The following DHDH variants were observed in gnomAD, a reference collection of about 807,000 sequenced individuals.
The protein encoded by DHDH is dihydrodiol dehydrogenase, also known as trans-1,2-dihydrobenzene-1,2-diol dehydrogenase.
In DHDH, 29 loss-of-function variants were observed where a neutral mutation model predicts 33.2. The observed-to-expected ratio is 0.87, with a 90% CI of 0.65 to 1.19. The LOEUF (loss-of-function observed/expected upper bound fraction) is 1.19, where lower values mean the gene tolerates loss of function less well. Among genes scored for constraint, DHDH ranks in the 50% most tolerant of loss-of-function variants. The probability of loss-of-function intolerance (pLI) is 0.00; values close to 1 mark genes in which losing one functional copy is unlikely to be tolerated. For missense variants in DHDH, 431 were observed against 455.0 expected (o/e 0.95, Z 0.48); for synonymous variants, 201 against 187.9 (o/e 1.07, Z -0.57).
At chr19:48,941,496 G>A (rs1025634363) in intron 4 of DHDH, among the ~76,000 whole-genome samples, 44 of 152,008 alleles carry the variant, frequency 2.9e-4, no homozygotes, top group African/African-American at 9.6e-4. Context: ...ATTCTCCTCC[G>A]TAAGACCCCC....
In DHDH at chr19:48,936,165, G is replaced by C. The variant is rs753830206; in HGVS notation, c.336G>C (p.Glu112Asp). The C allele has an allele frequency of 5.0e-6, 8 of 1,603,948 alleles. 1 individual carries two copies. Among genetic ancestry groups the C allele is most frequent in the Middle Eastern group, 3.3e-4 (2 of 6,062 alleles). ...CGGAAGTTCGCGAGATGGTCGCGGA[G>C]GCCCGATCCCGAGCCCTCTTCCTTA... is the stretch of plus-strand genomic sequence containing the variant. ...NAAEVREMVA[E>D]ARSRALFLME... The change falls in exon 3 of 7, where the codon GAG becomes GAC. Residue 112 changes from glutamate to aspartate, a missense_variant. Glu to Asp is a conservative substitution (Grantham distance 45). Coordinates refer to ENST00000221403, the MANE Select transcript of DHDH (RefSeq NM_014475.4).
At chr19:48,942,349 GC>G (rs1199332067) in intron 4 of DHDH, 90 bp from the exon 5 acceptor site, 7 of 1,345,772 alleles carry the variant, frequency 5.2e-6, no homozygotes, top group Non-Finnish European at 4.9e-6. Context: ...GAAGTCTCTT[GC>G]CCAAGGTTCC....
Position 48,936,070 on chromosome 19 carries a change from G to T in DHDH, c.241G>T (p.Ala81Ser), listed in dbSNP as rs2037769133. The T allele has an allele frequency of 1.2e-6, 2 of 1,609,730 alleles. No homozygotes were observed. Among genetic ancestry groups the T allele is most frequent in the African/African-American group, 2.7e-5 (2 of 74,886 alleles). ...TGGCACCCAGCACCCCCAGCACAAG[G>T]CGGCGGTGATGCTGTGCTTGGCGGC... is the stretch of plus-strand genomic sequence containing the variant. ...YIGTQHPQHK[A>S]AVMLCLAAGK... Residue 81 changes from alanine (A) to serine (S), a missense_variant, in exon 3 of 7, where the codon GCG (alanine) becomes TCG (serine). Physicochemically the swap from Ala to Ser is moderately conservative, Grantham distance 99 (BLOSUM62 1). Coordinates refer to ENST00000221403, the MANE Select transcript of DHDH (RefSeq NM_014475.4).
At chr19:48,944,626 A>C (rs2037915298) in intron 6 of DHDH, 119 bp downstream of exon 6, 2 of 1,433,212 alleles carry the variant, frequency 1.4e-6, no homozygotes, top group African/African-American at 1.4e-5. Flanking sequence ...CAGTGAGCCG[A>C]GATTGCACCA....
chr19:48,935,822 A>G (rs1006445222), intron 2 of DHDH, among the ~76,000 whole-genome samples: 2 of 152,150 alleles, frequency 1.3e-5, no homozygotes, highest in Non-Finnish European at 2.9e-5. Flanking sequence ...CCTCCAAAAA[A>G]AAAATTAATT....
At position 48,935,981 on chromosome 19, in the gene DHDH, G is replaced by A. The variant is rs1243656500; in HGVS notation, c.203-51G>A. ...GGCCTCGAAGTTGTGGGCGGAGCTCGGCTGTCTGGGTGGGCGGGGCTGCTG... is the reference window on the plus strand; with the variant it reads ...GGCCTCGAAGTTGTGGGCGGAGCTCAGCTGTCTGGGTGGGCGGGGCTGCTG... On this transcript the variant is annotated intron_variant, in intron 2 of 6. Coordinates refer to ENST00000221403, the MANE Select transcript of DHDH (RefSeq NM_014475.4). 1.7e-5 allele frequency: 26 copies of A among 1,554,154 alleles called. 2 individuals carry two copies. The South Asian group carries it at 2.7e-4, about 16-fold the overall frequency.
At chr19:48,936,008 C>T in intron 2 of DHDH, 24 bp from the exon 3 acceptor site, 1 of 1,578,006 alleles carries the variant, frequency 6.3e-7, no homozygotes, top group Non-Finnish European at 8.6e-7. Flanking sequence ...GGGCTGCTGA[C>T]CTCTTGACCT....
At chr19:48,941,129 T>A (rs1246837065) in intron 4 of DHDH, among the ~76,000 whole-genome samples, 2 of 152,194 alleles carry the variant, frequency 1.3e-5, no homozygotes, top group Non-Finnish European at 2.9e-5. Context: ...TGCAGTCAGT[T>A]GGCTGTTCAG....
intron 4 of DHDH, among the ~76,000 whole-genome samples, chr19:48,939,922 T>C (rs1271427997): frequency 6.6e-6 from 1 of 152,176 alleles, no homozygotes; most frequent in Non-Finnish European, 1.5e-5. Flanking sequence ...TCTCTGAATC[T>C]TAATTACTTT....
At chr19:48,936,822 C>T (rs1332456822) in intron 3 of DHDH, among the ~76,000 whole-genome samples, 1 of 151,896 alleles carries the variant, frequency 6.6e-6, no homozygotes, top group African/African-American at 2.4e-5. Context: ...AAGGAACCCC[C>T]TACAAACCTG....
At chr19:48,944,220 C>G in intron 5 of DHDH, 137 bp from the exon 6 acceptor site, 1 of 1,167,928 alleles carries the variant, frequency 8.6e-7, no homozygotes, top group Non-Finnish European at 1.2e-6. Flanking sequence ...TCCAAAGCTC[C>G]CCGGGGATGG....
intron 3 of DHDH, among the ~76,000 whole-genome samples, chr19:48,938,392 C>T (rs993338193): frequency 2.6e-5 from 4 of 152,092 alleles, no homozygotes; most frequent in African/African-American, 4.8e-5. Context: ...CCACAGCGCC[C>T]AGCCCCCAGT....
intron 3 of DHDH, among the ~76,000 whole-genome samples, chr19:48,937,298 G>A (rs574298295): frequency 6.6e-6 from 1 of 152,112 alleles, no homozygotes; most frequent in African/African-American, 2.4e-5. Flanking sequence ...CGACTGCTCC[G>A]AGCCCGGGCG....
chr19:48,937,303 C>G lies in DHDH; in HGVS notation c.366+1108C>G, dbSNP rs534543508. Among the ~76,000 whole-genome samples the G allele has an allele frequency of 2.6e-5, 4 of 152,290 alleles. No individual in the cohort carries two copies. The East Asian group carries it at 7.7e-4, about 29-fold the overall frequency. ...ACGCTCCTCTCGACTGCTCCGAGCC[C>G]GGGCGGACCTCGGCCACATCCGTCC... On this transcript the variant is annotated intron_variant, in intron 3 of 6. Coordinates refer to ENST00000221403, the MANE Select transcript of DHDH (RefSeq NM_014475.4).
At chr19:48,939,136 C>T (rs1368279537) in intron 3 of DHDH, among the ~76,000 whole-genome samples, 3 of 151,670 alleles carry the variant, frequency 2.0e-5, no homozygotes, top group East Asian at 1.9e-4. Flanking sequence ...GGCAATGGTC[C>T]AGATGAAAAA....
Position 48,936,193 on chromosome 19 carries a change from G to C in DHDH, c.364G>C (p.Glu122Gln), listed in dbSNP as rs749276344. ...EARSRALFLMEAIWTRFFPAS... is the reference protein window; with the variant it reads ...EARSRALFLMQAIWTRFFPAS... Reference sequence around the variant, plus strand: ...CCGATCCCGAGCCCTCTTCCTTATGGAGGTGAGGGCAGAGGAGCCCTTCCA... The same window carrying C: ...CCGATCCCGAGCCCTCTTCCTTATGCAGGTGAGGGCAGAGGAGCCCTTCCA... The change falls in exon 3 of 7, where the codon GAG becomes CAG. Residue 122 changes from glutamate (E) to glutamine (Q), a missense_variant and splice_region_variant. Coordinates refer to ENST00000221403, the MANE Select transcript of DHDH (RefSeq NM_014475.4). 2.5e-6 allele frequency: 4 copies of C among 1,589,496 alleles called. No homozygotes were observed. In the South Asian group the frequency reaches 3.4e-5, roughly 13 times the overall value.
intron 5 of DHDH, 115 bp downstream of exon 5, chr19:48,942,679 A>T (rs555230421): frequency 6.9e-7 from 1 of 1,457,348 alleles, no homozygotes; most frequent in Non-Finnish European, 9.1e-7. Context: ...ATTGCTAAAG[A>T]GTTCCTCCTT....
chr19:48,934,774 A>G (rs1049043735), intron 1 of DHDH, among the ~76,000 whole-genome samples: 7 of 152,096 alleles, frequency 4.6e-5, no homozygotes, highest in African/African-American at 1.7e-4. Context: ...AGGTTTGGAA[A>G]GGCCTTGATG....
rs775847639 is a variant in DHDH at position 48,942,550 on chromosome 19, A to G, written c.730A>G (p.Lys244Glu). Residue 244 changes from lysine (K) to glutamate (E), a missense_variant, in exon 5 of 7, where the codon AAG (lysine) becomes GAG (glutamate). Physicochemically the swap from Lys to Glu is moderately conservative, Grantham distance 56. Coordinates refer to ENST00000221403, the MANE Select transcript of DHDH (RefSeq NM_014475.4). ...CAACACGGCCTCCGTGAGCGGCACC[A>G]AGGGCATGGTACAGGTGAGGCATGG... The part of the protein sequence containing the change: ...LSNTASVSGT[K>E]GMVQLLNPCW... The G allele has an allele frequency of 6.2e-7, 1 of 1,613,634 alleles. No individual in the cohort carries two copies. Among genetic ancestry groups the G allele is most frequent in the Non-Finnish European group, 8.5e-7 (1 of 1,179,728 alleles).
Sources: allele counts gnomAD v4.1 joint callset (sites outside exome capture counted in the v4.1 genomes callset), GRCh38; gene constraint gnomAD v4.1.1; transcripts MANE v1.5; gene names NCBI Gene and HGNC (gene_info 2026-07-23, HGNC 2026-07-21).